RIN2: variants seen among roughly 807,000 people sequenced by gnomAD.
RIN2 encodes the protein RAB5 interacting protein 2.
RIN2 carries 36 observed loss-of-function variants against 78.0 expected under a neutral mutation model. The observed-to-expected ratio is 0.46, with a 90% CI of 0.35 to 0.61. RIN2 has a LOEUF of 0.61. Among genes scored for constraint, RIN2 ranks in the 20% least tolerant of loss-of-function variants. The pLI is 0.00. For synonymous variants in RIN2, 466 were observed against 466.8 expected, an observed-to-expected ratio of 1.00 and a Z score of 0.02; for missense variants, 1,087 against 1,159.7, an observed-to-expected ratio of 0.94 and a Z score of 0.91.
At chr20:19,858,951 G>A (rs1424479086) in intron 2 of RIN2, among the ~76,000 whole-genome samples, 1 of 152,188 alleles carries the variant, frequency 6.6e-6, no homozygotes, top group East Asian at 1.9e-4. Context: ...ACACGGTGGA[G>A]GACAGAATAC....
intron 2 of RIN2, among the ~76,000 whole-genome samples, chr20:19,871,302 G>A (rs2037681936): frequency 6.6e-6 from 1 of 152,136 alleles, no homozygotes; most frequent in Admixed American, 6.5e-5. Flanking sequence ...CCAGGTAGGT[G>A]GCTCACATCT....
At chr20:19,871,846 T>A (rs2037700744) in intron 2 of RIN2, 1 of 152,176 alleles carries the variant, frequency 6.6e-6, no homozygotes, top group Non-Finnish European at 1.5e-5. Context: ...TTTATTTCAA[T>A]GATGTTTATG....
At chr20:19,895,899 A>G (rs1236659919) in intron 3 of RIN2, 1 of 152,212 alleles carries the variant, frequency 6.6e-6, no homozygotes, top group East Asian at 1.9e-4. Flanking sequence ...GAGTTCCCTC[A>G]ACTATTGGTC....
intron 2 of RIN2, among the ~76,000 whole-genome samples, chr20:19,880,586 C>G (rs1237627495): frequency 1.3e-5 from 2 of 151,758 alleles, no homozygotes; most frequent in Non-Finnish European, 2.9e-5. Flanking sequence ...TGAGGTTTTG[C>G]TGTGCTGCTG....
intron 3 of RIN2, among the ~76,000 whole-genome samples, chr20:19,911,878 CTT>C (rs2039484496): frequency 6.6e-6 from 1 of 152,182 alleles, no homozygotes; most frequent in African/African-American, 2.4e-5. Context: ...AAATGAATCT[CTT>C]TGTTATCAGA....
chr20:19,825,575 C>CA (rs1021219912), intron 2 of RIN2, among the ~76,000 whole-genome samples: 1 of 152,182 alleles, frequency 6.6e-6, no homozygotes, highest in African/African-American at 2.4e-5. Context: ...TCCAGTGTTG[C>CA]AAAATCCCAC....
chr20:19,827,828 T>G (rs2036141433), intron 2 of RIN2, among the ~76,000 whole-genome samples: 2 of 148,872 alleles, frequency 1.3e-5, no homozygotes, highest in African/African-American at 4.9e-5. Flanking sequence ...TTTTTTTTGC[T>G]GCTAGTCAAC....
intron 2 of RIN2, among the ~76,000 whole-genome samples, chr20:19,881,582 AT>A (rs1318685615): frequency 6.6e-6 from 1 of 152,038 alleles, no homozygotes; most frequent in Non-Finnish European, 1.5e-5. Context: ...TTATTTATTT[AT>A]TTTTTAAAAG....
intron 2 of RIN2, among the ~76,000 whole-genome samples, chr20:19,879,664 T>G (rs1286263095): frequency 2.0e-5 from 3 of 151,680 alleles, no homozygotes; most frequent in Admixed American, 2.0e-4. Context: ...TCACTGGGAG[T>G]TTAGCACGTG....
At chr20:19,977,094 A>G (rs886608713) in intron 9 of RIN2, among the ~76,000 whole-genome samples, 15 of 152,136 alleles carry the variant, frequency 9.9e-5, no homozygotes, top group African/African-American at 2.4e-4. Context: ...CTTTTTCCCC[A>G]TCCCACCAGA....
rs1383834734 is a variant in RIN2, at chr20:19,899,285, G to A, written c.57+9627G>A. Among the ~76,000 whole-genome samples, 5 of 152,066 alleles carry A rather than the reference G, an allele frequency of 3.3e-5. No homozygotes were observed. The South Asian group carries it at 1.0e-3, about 32-fold the overall frequency. On this transcript the variant is annotated intron_variant, in intron 3 of 12. Coordinates refer to ENST00000255006, the MANE Select transcript of RIN2 (RefSeq NM_018993.4). ...CATGGTGTAAAATCCTCACAGTGAC[G>A]CTCTTGGTGTTGCTCTAATCCCTAA...
intron 3 of RIN2, among the ~76,000 whole-genome samples, chr20:19,904,104 C>T (rs543885042): frequency 4.0e-5 from 6 of 151,874 alleles, no homozygotes; most frequent in African/African-American, 1.2e-4. Flanking sequence ...TGGTGGCGCA[C>T]GTCTGTAATC....
At chr20:19,774,843 T>C (rs12480690) in intron 1 of RIN2, among the ~76,000 whole-genome samples, 17,756 of 152,162 alleles carry the variant, frequency 0.12, 1,199 homozygotes, top group South Asian at 0.19. Context: ...TGAGACCAGA[T>C]AGGAGAAGAC....
At position 19,796,010 on chromosome 20, in the gene RIN2, C is replaced by T. The variant is rs184046145; in HGVS notation, c.-162-3612C>T. ...TTGCACCATTGCATTCCAGCCTGGG[C>T]GACAGAATGAAGCTGTCTAAAAAAA... On this transcript the variant is annotated intron_variant, in intron 1 of 12. Coordinates refer to ENST00000255006, the MANE Select transcript of RIN2 (RefSeq NM_018993.4). Among the ~76,000 whole-genome samples the T allele has an allele frequency of 1.4e-4, 21 of 148,462 alleles. No individual in the cohort carries two copies. In the South Asian group the frequency reaches 1.7e-3, roughly 12 times the overall value.
chr20:19,974,905 A>G lies in RIN2; in HGVS notation c.880A>G (p.Arg294Gly), dbSNP rs765780960. Residue 294 changes from arginine (R) to glycine (G), a missense_variant, in exon 9 of 13, where the codon AGG becomes GGG. Around this residue, in one of 8 missense-constraint regions of RIN2, gnomAD observed 706 missense variants for 667.5 expected, o/e 1.06. Transcript: ENST00000255006. ...TGGAGGCCTGAAACGGCCGAGCACA[A>G]GGACTCCCAACGCGAATGGCACGGA... ...LSGGLKRPST[R>G]TPNANGTERT... 5.5e-5 allele frequency: 88 copies of G among 1,613,788 alleles called. No individual in the cohort carries two copies. The East Asian group carries it at 2.0e-3, about 36-fold the overall frequency.
chr20:19,917,300 A>T (rs429588), intron 3 of RIN2, among the ~76,000 whole-genome samples: 1 of 151,994 alleles, frequency 6.6e-6, no homozygotes, highest in South Asian at 2.1e-4. Flanking sequence ...CCAGCCTTCC[A>T]TATGGCAAAT....
chr20:19,960,473 A>C (rs2146256882), intron 5 of RIN2, among the ~76,000 whole-genome samples: 1 of 152,292 alleles, frequency 6.6e-6, no homozygotes, highest in East Asian at 1.9e-4. Flanking sequence ...CCCCATGGAG[A>C]AGCTTCTGTC....
chr20:19,856,818 G>A (rs567732551), intron 2 of RIN2, among the ~76,000 whole-genome samples: 4 of 152,262 alleles, frequency 2.6e-5, no homozygotes, highest in South Asian at 2.1e-4. Context: ...CACCATGAGC[G>A]AGGTAGCTTT....
chr20:19,980,151 A>T (rs1195647741), intron 9 of RIN2, among the ~76,000 whole-genome samples: 1 of 152,062 alleles, frequency 6.6e-6, no homozygotes, highest in East Asian at 1.9e-4. Flanking sequence ...GATCTAGTAC[A>T]TGTGACCCTA....
Sources: gnomAD v4.1 joint callset for allele counts (sites outside exome capture counted in the v4.1 genomes callset) on GRCh38, gnomAD v4.1.1 for gene constraint, gnomAD v4.1.1 regional missense constraint, MANE v1.5 for transcripts, NCBI Gene and HGNC (gene_info 2026-07-23, HGNC 2026-07-21) for gene names.